Variants in PLXDC2 observed in about 807,000 individuals in gnomAD.
The protein encoded by PLXDC2 is plexin domain-containing protein 2.
PLXDC2 carries 40 observed loss-of-function variants against 68.9 expected under a neutral mutation model. That is an observed-to-expected ratio of 0.58 (90% CI 0.45 to 0.76). The LOEUF is 0.76. PLXDC2 is among the 30% of genes least tolerant of loss of function. PLXDC2 has a pLI of 0.00. For missense variants in PLXDC2, 644 were observed against 661.9 expected, an observed-to-expected ratio of 0.97 and a Z score of 0.30; for synonymous variants, 243 against 234.2, an observed-to-expected ratio of 1.04 and a Z score of -0.34.
chr10:19,972,557 C>T (rs752427243), intron 1 of PLXDC2, among the ~76,000 whole-genome samples: 4 of 151,982 alleles, frequency 2.6e-5, no homozygotes, highest in Non-Finnish European at 5.9e-5. Context: ...GCAATTTGCC[C>T]ATGTAACAAA....
At chr10:20,215,760 G>A (rs532875407) in intron 10 of PLXDC2, among the ~76,000 whole-genome samples, 3 of 152,250 alleles carry the variant, frequency 2.0e-5, no homozygotes, top group South Asian at 2.1e-4. Context: ...CCAGAGTCAA[G>A]TAAGTATGCT....
At chr10:19,879,627 T>C (rs967349535) in intron 1 of PLXDC2, among the ~76,000 whole-genome samples, 1 of 152,172 alleles carries the variant, frequency 6.6e-6, no homozygotes, top group South Asian at 2.1e-4. Flanking sequence ...TGGCAGGTAG[T>C]GGGAATTCAT....
chr10:20,102,552 G>A (rs549122969), intron 4 of PLXDC2, among the ~76,000 whole-genome samples: 4 of 152,118 alleles, frequency 2.6e-5, no homozygotes, highest in African/African-American at 9.7e-5. Context: ...TGAAGGGATT[G>A]GTAATAATAT....
intron 1 of PLXDC2, among the ~76,000 whole-genome samples, chr10:19,923,961 G>A (rs915891596): frequency 2.6e-5 from 4 of 152,132 alleles, no homozygotes; most frequent in Admixed American, 6.6e-5. Context: ...CTCCTTGGGA[G>A]GCTGAAGGGG....
chr10:20,267,885 A>C (rs1441644035), intron 13 of PLXDC2, among the ~76,000 whole-genome samples: 1 of 151,338 alleles, frequency 6.6e-6, no homozygotes, highest in Non-Finnish European at 1.5e-5. Context: ...GATTACTTCC[A>C]GAGCTATCAT....
At chr10:19,852,611 A>C (rs913798197) in intron 1 of PLXDC2, among the ~76,000 whole-genome samples, 2 of 152,178 alleles carry the variant, frequency 1.3e-5, no homozygotes, top group East Asian at 3.9e-4. Context: ...TCCACCTCAT[A>C]TTCCACAAAG....
intron 4 of PLXDC2, among the ~76,000 whole-genome samples, chr10:20,141,284 T>A (rs199932851): frequency 3.4e-5 from 5 of 146,348 alleles, no homozygotes; most frequent in Non-Finnish European, 7.6e-5. Context: ...ACATATATCT[T>A]ATTTACTTAA....
chr10:19,974,656 A>C (rs1834417633), intron 1 of PLXDC2, among the ~76,000 whole-genome samples: 1 of 152,226 alleles, frequency 6.6e-6, no homozygotes, highest in Non-Finnish European at 1.5e-5. Context: ...AGTTAGCTGT[A>C]AATGCCCTAT....
chr10:20,053,850 C>T (rs923904070), intron 3 of PLXDC2, among the ~76,000 whole-genome samples: 2 of 151,942 alleles, frequency 1.3e-5, no homozygotes, highest in African/African-American at 4.8e-5. Flanking sequence ...GGTAAAAATG[C>T]CTGCCTTTAC....
chr10:20,131,700 A>G (rs1219371984), intron 4 of PLXDC2, among the ~76,000 whole-genome samples: 6 of 152,140 alleles, frequency 3.9e-5, no homozygotes, highest in African/African-American at 1.2e-4. Context: ...GCACCCGGCC[A>G]CTTACAGTTT....
intron 2 of PLXDC2, among the ~76,000 whole-genome samples, chr10:20,028,484 A>G (rs1986636): frequency 0.69 from 105,136 of 151,876 alleles, 37,738 homozygotes; most frequent in East Asian, 0.9. Flanking sequence ...CGAATGTACT[A>G]TATTTGGGAA....
intron 9 of PLXDC2, among the ~76,000 whole-genome samples, chr10:20,199,819 A>G (rs982558844): frequency 1.3e-5 from 2 of 151,994 alleles, no homozygotes; most frequent in African/African-American, 4.8e-5. Context: ...AATAAAAATG[A>G]AAACAAGGAT....
At chr10:20,004,252 A>T (rs988887969) in intron 2 of PLXDC2, among the ~76,000 whole-genome samples, 18 of 152,190 alleles carry the variant, frequency 1.2e-4, no homozygotes, top group African/African-American at 4.3e-4. Context: ...ACTCCATGGC[A>T]TTAGCTATTA....
At chr10:19,961,022 T>G (rs765448826) in intron 1 of PLXDC2, among the ~76,000 whole-genome samples, 4 of 152,210 alleles carry the variant, frequency 2.6e-5, no homozygotes, top group Non-Finnish European at 4.4e-5. Context: ...AGCTACTAGT[T>G]AGACCATACG....
At chr10:19,938,762 C>T (rs556644613) in intron 1 of PLXDC2, among the ~76,000 whole-genome samples, 2 of 152,256 alleles carry the variant, frequency 1.3e-5, no homozygotes, top group East Asian at 3.9e-4. Flanking sequence ...GGTAAGCAAT[C>T]AGCAGTACAT....
chr10:20,001,521 G>A (rs747027022), intron 1 of PLXDC2, among the ~76,000 whole-genome samples: 14 of 144,792 alleles, frequency 9.7e-5, no homozygotes, highest in Non-Finnish European at 2.1e-4. Context: ...CTTCAGGGCT[G>A]CACATCTGTT....
intron 1 of PLXDC2, among the ~76,000 whole-genome samples, chr10:19,827,620 G>A (rs1836596748): frequency 6.6e-6 from 1 of 151,312 alleles, no homozygotes; most frequent in Non-Finnish European, 1.5e-5. Flanking sequence ...GAGTGCAGTG[G>A]CACGATCTTG....
chr10:19,874,122 C>G (rs16916008), intron 1 of PLXDC2, among the ~76,000 whole-genome samples: 109 of 152,248 alleles, frequency 7.2e-4, no homozygotes, highest in African/African-American at 2.4e-3. Context: ...GCAACACTTA[C>G]GATCACAGTG....
chr10:19,856,265 T>C (rs1263480231), intron 1 of PLXDC2, among the ~76,000 whole-genome samples: 5 of 152,132 alleles, frequency 3.3e-5, no homozygotes, highest in Non-Finnish European at 7.3e-5. Flanking sequence ...TCTTTGTCTT[T>C]TTCTATTTTT....
Sources: allele counts gnomAD v4.1 joint callset (sites outside exome capture counted in the v4.1 genomes callset), GRCh38; gene constraint gnomAD v4.1.1; transcripts MANE v1.5; gene names NCBI Gene and HGNC (gene_info 2026-07-23, HGNC 2026-07-21).